The following MAPK10 variants were observed in gnomAD, a reference collection of about 807,000 sequenced individuals.
MAPK10 encodes the protein JNK3 alpha protein kinase.
In MAPK10, 25 loss-of-function variants were observed where a neutral mutation model predicts 59.3. That is an observed-to-expected ratio of 0.42 (90% confidence interval 0.31 to 0.59). The LOEUF is 0.59. Ranked by LOEUF, MAPK10 falls within the 20% of genes least tolerant of loss-of-function variation. MAPK10 has a pLI of 0.15. For synonymous variants in MAPK10, 190 were observed against 200.5 expected (o/e 0.95, Z 0.44); for missense variants, 351 against 568.9 (o/e 0.62, Z 3.90).
intron 1 of MAPK10, among the ~76,000 whole-genome samples, chr4:86,378,441 C>G (rs1449411083): frequency 1.3e-5 from 2 of 152,108 alleles, no homozygotes; most frequent in African/African-American, 4.8e-5. Context: ...TACCCCACAT[C>G]ACCTCTATCC....
chr4:86,107,591 G>C, intron 4 of MAPK10: 8 of 1,137,622 alleles, frequency 7.0e-6, no homozygotes, highest in Non-Finnish European at 8.6e-6. Context: ...AGGAGAAGGG[G>C]GGAAGGAGTA....
chr4:86,589,154 GA>G lies in MAPK10; in HGVS notation c.-263+4755del, dbSNP rs541715344. Among the ~76,000 whole-genome samples the G allele has an allele frequency of 7.2e-4, 108 of 150,126 alleles. 1 individual carries two copies. In the East Asian group the frequency reaches 0.011, roughly 15 times the overall value. On this transcript the variant is annotated intron_variant, in intron 1 of 4. Coordinates refer to the MAPK10 transcript ENST00000502302. ...ATATGGGAGAATATTTTTGGTAACA[GA>G]AAAAAAAATGGCTTTTAAGCAGAGA...
At chr4:86,133,856 A>T (rs956364432) in intron 4 of MAPK10, among the ~76,000 whole-genome samples, 3 of 152,226 alleles carry the variant, frequency 2.0e-5, no homozygotes, top group African/African-American at 4.8e-5. Context: ...TTTGCTTAAA[A>T]GCATTGGTAG....
chr4:86,321,662 C>A (rs1391320139), intron 2 of MAPK10, among the ~76,000 whole-genome samples: 1 of 151,162 alleles, frequency 6.6e-6, no homozygotes, highest in African/African-American at 2.4e-5. Context: ...GTGCAACACA[C>A]CAGCATGGCA....
intron 1 of MAPK10, among the ~76,000 whole-genome samples, chr4:86,536,246 T>TTTA (rs1437435204): frequency 6.6e-6 from 1 of 152,224 alleles, no homozygotes; most frequent in African/African-American, 2.4e-5. Flanking sequence ...AATATGCTCA[T>TTTA]ATAAATTCAT....
At chr4:86,299,001 T>C (rs981772347) in intron 2 of MAPK10, among the ~76,000 whole-genome samples, 6 of 152,192 alleles carry the variant, frequency 3.9e-5, no homozygotes, top group African/African-American at 1.4e-4. Flanking sequence ...AATTTCTTTT[T>C]ATAAGAAAAG....
chr4:86,592,355 T>TAAA (rs77290511), intron 1 of MAPK10, among the ~76,000 whole-genome samples: 3 of 144,196 alleles, frequency 2.1e-5, no homozygotes, highest in Non-Finnish European at 4.6e-5. Flanking sequence ...ATGGCCTTAA[T>TAAA]AAAAAAAAAA....
chr4:86,187,081 G>C lies in MAPK10; in HGVS notation c.66+7255C>G, dbSNP rs77458114. 4.1e-3 allele frequency among the ~76,000 whole-genome samples: 627 copies of C among 152,062 alleles called. 9 individuals are homozygous for C. In the East Asian group the frequency reaches 0.047, roughly 11 times the overall value. ...GTGGGTTTAGAGATACTCTATTTCA[G>C]GCTAATCAGTTCGTATGATGAGAAA... On this transcript the variant is annotated intron_variant, in intron 3 of 13. Coordinates refer to ENST00000641462, the MANE Select transcript of MAPK10 (RefSeq NM_138982.4).
At chr4:86,235,286 C>G (rs1250863343) in intron 2 of MAPK10, among the ~76,000 whole-genome samples, 2 of 152,116 alleles carry the variant, frequency 1.3e-5, no homozygotes, top group East Asian at 3.9e-4. Context: ...AGTTTTTAGT[C>G]AAAATTCCTA....
At chr4:86,482,364 A>G (rs1753673455) in intron 1 of MAPK10, among the ~76,000 whole-genome samples, 6 of 152,172 alleles carry the variant, frequency 3.9e-5, no homozygotes, top group Admixed American at 3.9e-4. Context: ...TAGTCAGTCC[A>G]CCAACATAAA....
intron 2 of MAPK10, among the ~76,000 whole-genome samples, chr4:86,247,265 C>T (rs1212236033): frequency 6.6e-6 from 1 of 152,208 alleles, no homozygotes; most frequent in Non-Finnish European, 1.5e-5. Flanking sequence ...CAGGGTATCA[C>T]TTTCTTCTAC....
At chr4:86,420,645 C>T (rs1032630977) in intron 1 of MAPK10, among the ~76,000 whole-genome samples, 12 of 152,008 alleles carry the variant, frequency 7.9e-5, no homozygotes, top group Admixed American at 7.9e-4. Context: ...AAATATTACC[C>T]AGGCATGGTA....
In MAPK10 at chr4:86,138,722, A is replaced by G. The variant is rs1180911494; in HGVS notation, c.236+20576T>C. Among the ~76,000 whole-genome samples the G allele has an allele frequency of 7.9e-5, 12 of 151,982 alleles. No homozygotes were observed. The East Asian group carries it at 2.1e-3, about 27-fold the overall frequency. On this transcript the variant is annotated intron_variant, in intron 4 of 13. Coordinates refer to ENST00000641462, the MANE Select transcript of MAPK10 (RefSeq NM_138982.4). Reference sequence around the variant, plus strand: ...AGGAGAAGGAAATAAACGGTATTCAATTAGGAACAGAGGAAGTCAAATTGT... The same window carrying G: ...AGGAGAAGGAAATAAACGGTATTCAGTTAGGAACAGAGGAAGTCAAATTGT...
chr4:86,538,517 T>A (rs1273171619), intron 1 of MAPK10, among the ~76,000 whole-genome samples: 1 of 152,228 alleles, frequency 6.6e-6, no homozygotes, highest in Admixed American at 6.5e-5. Flanking sequence ...CTCTTTTTCG[T>A]TAAGTGTATT....
rs2055280294 is a variant in MAPK10 at position 86,101,053 on chromosome 4, G to A, written c.729C>T (p.Asn243=). The stretch of plus-strand genomic sequence containing the variant: ...GCTGCTCTCCCGAAGCATCCCTACC[G>A]TTCTCCTTGTAGCCCATCCCCAGGA... ...EVILGMGYKE[N]VDIWSVGCIM... Residue 243 remains asparagine (N), a splice_region_variant and synonymous_variant, in exon 8 of 14, where the codon AAC becomes AAT. Transcript: ENST00000641462. 1 of 1,613,254 alleles carries A rather than the reference G, an allele frequency of 6.2e-7. No individual in the cohort carries two copies. Among genetic ancestry groups the A allele is most frequent in the Non-Finnish European group, 8.5e-7 (1 of 1,179,506 alleles).
intron 2 of MAPK10, among the ~76,000 whole-genome samples, chr4:86,233,019 C>T (rs1442301560): frequency 6.6e-6 from 1 of 152,010 alleles, no homozygotes; most frequent in Non-Finnish European, 1.5e-5. Context: ...CTTGGTGTTC[C>T]AAGAGTTTTC....
At chr4:86,528,768 C>A (rs551936132) in intron 1 of MAPK10, among the ~76,000 whole-genome samples, 1 of 152,306 alleles carries the variant, frequency 6.6e-6, no homozygotes, top group South Asian at 2.1e-4. Context: ...TGAACGGTAA[C>A]CCCCCAAATA....
At chr4:86,324,443 A>C (rs1329292209) in intron 2 of MAPK10, among the ~76,000 whole-genome samples, 1 of 152,058 alleles carries the variant, frequency 6.6e-6, no homozygotes, top group Non-Finnish European at 1.5e-5. Flanking sequence ...AAAGATCTGT[A>C]ATCTGTTTTC....
intron 13 of MAPK10, among the ~76,000 whole-genome samples, chr4:86,018,497 T>C (rs1463720512): frequency 1.3e-5 from 2 of 152,194 alleles, no homozygotes; most frequent in Admixed American, 1.3e-4. Flanking sequence ...TTATCTGTTA[T>C]GCGGGAGTAT....
Sources: gnomAD v4.1 joint callset for allele counts (sites outside exome capture counted in the v4.1 genomes callset) on GRCh38, gnomAD v4.1.1 for gene constraint, MANE v1.5 for transcripts, NCBI Gene and HGNC (gene_info 2026-07-23, HGNC 2026-07-21) for gene names.